Variants in NCAM2 observed in about 807,000 individuals in gnomAD.
NCAM2 encodes N-CAM-2.
Under a neutral mutation model 98.1 loss-of-function variants are expected in NCAM2, and 30 were observed. The observed-to-expected ratio is 0.31, with a 90% CI of 0.23 to 0.41. NCAM2 has a LOEUF of 0.41. NCAM2 is among the 10% of genes least tolerant of loss of function. The probability of loss-of-function intolerance (pLI) is 1.00; values close to 1 mark genes in which losing one functional copy is unlikely to be tolerated. For missense variants in NCAM2, 867 were observed against 1,005.8 expected, an observed-to-expected ratio of 0.86 and a Z score of 1.87; for synonymous variants, 368 against 342.4, an observed-to-expected ratio of 1.07 and a Z score of -0.83.
chr21:21,299,327 C>A (rs2073621121), intron 5 of NCAM2, among the ~76,000 whole-genome samples: 2 of 150,990 alleles, frequency 1.3e-5, no homozygotes, highest in African/African-American at 2.4e-5. Flanking sequence ...GTGTCATATC[C>A]TATGGCTTTT....
chr21:21,250,960 A>C (rs1234380620), intron 1 of NCAM2, among the ~76,000 whole-genome samples: 1 of 152,110 alleles, frequency 6.6e-6, no homozygotes, highest in Non-Finnish European at 1.5e-5. Context: ...TTTGTTTATG[A>C]GATTATATGT....
Position 21,540,861 on chromosome 21 carries a change from A to T in NCAM2, c.*2904A>T, listed in dbSNP as rs1213673612. ...GAAAGAGTAATATCAGAATTTTGAC[A>T]CAAATTAATGTGTCAACATATTTTA... is the stretch of plus-strand genomic sequence containing the variant. On this transcript the variant is annotated 3_prime_UTR_variant, in exon 18 of 18. Coordinates refer to ENST00000400546, the MANE Select transcript of NCAM2 (RefSeq NM_004540.5). 6.6e-6 allele frequency: 1 copy of T among 152,014 alleles called. No individual in the cohort carries two copies. The highest frequency in any genetic ancestry group is 1.5e-5 in the Non-Finnish European group (1 of 67,904). The allele number at this position is 152,014 out of a possible 1,614,324, so 9.4% of individuals were successfully genotyped here.
chr21:21,505,183 TTTAG>T (rs1273510205), intron 15 of NCAM2, among the ~76,000 whole-genome samples: 2 of 152,068 alleles, frequency 1.3e-5, no homozygotes, highest in African/African-American at 4.8e-5. Context: ...CTATTAGTAT[TTTAG>T]CAATTCTTCA....
intron 5 of NCAM2, among the ~76,000 whole-genome samples, chr21:21,315,713 A>G (rs1367928369): frequency 3.3e-5 from 5 of 152,176 alleles, no homozygotes; most frequent in African/African-American, 1.2e-4. Context: ...GATGCCTTCA[A>G]TCCAGGCCAT....
intron 1 of NCAM2, among the ~76,000 whole-genome samples, chr21:21,177,806 C>T (rs1281147083): frequency 6.6e-6 from 1 of 151,360 alleles, no homozygotes; most frequent in Non-Finnish European, 1.5e-5. Flanking sequence ...TTCTTCCTTC[C>T]TTTCTTCCTT....
Position 21,284,339 on chromosome 21 carries a change from T to C in NCAM2, c.276T>C (p.Arg92=), listed in dbSNP as rs866421684. The C allele has an allele frequency of 6.2e-7, 1 of 1,612,854 alleles. No individual in the cohort carries two copies. Among genetic ancestry groups the C allele is most frequent in the South Asian group, 1.1e-5 (1 of 91,044 alleles). ...NANIEDAGIY[R]CQATDAKGQT... Reference sequence around the variant, plus strand: ...ATATAGAAGATGCAGGGATATATCGTTGTCAAGCAACAGATGCCAAAGGAC... The same window carrying C: ...ATATAGAAGATGCAGGGATATATCGCTGTCAAGCAACAGATGCCAAAGGAC... The change falls in exon 3 of 18, where the codon CGT becomes CGC. Residue 92 remains arginine (R), a synonymous_variant. Transcript: ENST00000400546.
intron 1 of NCAM2, among the ~76,000 whole-genome samples, chr21:21,015,117 G>A (rs1330070855): frequency 6.6e-6 from 1 of 152,174 alleles, no homozygotes. Context: ...TTCTTGAGAT[G>A]GAATCTAATT....
chr21:21,149,104 G>A (rs1347214807), intron 1 of NCAM2, among the ~76,000 whole-genome samples: 4 of 152,038 alleles, frequency 2.6e-5, no homozygotes. Flanking sequence ...GCACTAAATT[G>A]TCTGGATATC....
intron 12 of NCAM2, among the ~76,000 whole-genome samples, chr21:21,451,260 A>C (rs1057273208): frequency 6.6e-6 from 1 of 152,188 alleles, no homozygotes; most frequent in Non-Finnish European, 1.5e-5. Context: ...CTAAATAGTT[A>C]CTGTTTTCAA....
At chr21:21,393,700 T>G (rs2076432100) in intron 9 of NCAM2, among the ~76,000 whole-genome samples, 1 of 152,296 alleles carries the variant, frequency 6.6e-6, no homozygotes, top group East Asian at 1.9e-4. Flanking sequence ...CTTCCTTTGA[T>G]AACTCAGAAG....
At chr21:21,148,131 TA>T (rs1409382104) in intron 1 of NCAM2, among the ~76,000 whole-genome samples, 1 of 152,170 alleles carries the variant, frequency 6.6e-6, no homozygotes, top group East Asian at 1.9e-4. Flanking sequence ...CCATGTGCTT[TA>T]TTTACTCAGC....
intron 17 of NCAM2, among the ~76,000 whole-genome samples, chr21:21,537,558 A>G (rs962461886): frequency 6.6e-6 from 1 of 152,180 alleles, no homozygotes; most frequent in East Asian, 1.9e-4. Context: ...ATATCTACAA[A>G]TATATTGTTT....
chr21:21,476,432 A>G (rs1209709992), intron 14 of NCAM2, among the ~76,000 whole-genome samples: 3 of 152,074 alleles, frequency 2.0e-5, no homozygotes, highest in African/African-American at 7.2e-5. Flanking sequence ...AGCAGCTGCT[A>G]CCATCACTTT....
intron 1 of NCAM2, among the ~76,000 whole-genome samples, chr21:21,102,944 T>G (rs1314476693): frequency 6.6e-6 from 1 of 152,112 alleles, no homozygotes. Context: ...TAATTCTGTG[T>G]AAAATCTGTC....
intron 1 of NCAM2, among the ~76,000 whole-genome samples, chr21:21,004,596 G>T (rs940664413): frequency 6.6e-6 from 1 of 152,080 alleles, no homozygotes; most frequent in Non-Finnish European, 1.5e-5. Context: ...GCATGAGGGA[G>T]ATATATAACT....
In NCAM2 at chr21:21,398,768, A is replaced by G. The variant is rs528432657; in HGVS notation, c.1196-11506A>G. On this transcript the variant is annotated intron_variant, in intron 9 of 17. Transcript: ENST00000400546. ...GAGCTCATACTAAATATTGAGAGAC[A>G]TGAATGATATTTCTATATATTGTGC... is the stretch of plus-strand genomic sequence containing the variant. 4.5e-4 allele frequency among the ~76,000 whole-genome samples: 68 copies of G among 152,330 alleles called. No individual in the cohort carries two copies. In the South Asian group the frequency reaches 0.012, roughly 28 times the overall value.
At chr21:21,493,702 T>C (rs1254102346) in intron 15 of NCAM2, among the ~76,000 whole-genome samples, 1 of 151,940 alleles carries the variant, frequency 6.6e-6, no homozygotes, top group Non-Finnish European at 1.5e-5. Context: ...GTCCTAAAAA[T>C]CCTCTCTTCC....
chr21:21,085,828 T>A (rs1457779250), intron 1 of NCAM2, among the ~76,000 whole-genome samples: 9 of 152,310 alleles, frequency 5.9e-5, no homozygotes, highest in African/African-American at 1.9e-4. Flanking sequence ...ATTTAAAAAA[T>A]TTTGTTATTT....
At chr21:21,124,519 A>G (rs2146581202) in intron 1 of NCAM2, among the ~76,000 whole-genome samples, 1 of 152,304 alleles carries the variant, frequency 6.6e-6, no homozygotes, top group East Asian at 1.9e-4. Flanking sequence ...AAATAGTAAC[A>G]ATGGAAAGCA....
Sources: gnomAD v4.1 joint callset for allele counts (sites outside exome capture counted in the v4.1 genomes callset) on GRCh38, gnomAD v4.1.1 for gene constraint, MANE v1.5 for transcripts, NCBI Gene and HGNC (gene_info 2026-07-23, HGNC 2026-07-21) for gene names.